Variants in LIMCH1 observed in about 807,000 individuals in gnomAD.
LIMCH1 encodes the protein LIM and calponin homology domains-containing protein 1.
LIMCH1 carries 113 observed loss-of-function variants against 176.5 expected under a neutral mutation model. The ratio of observed to expected loss-of-function variants is 0.64; its 90% CI spans 0.55 to 0.75. The LOEUF (loss-of-function observed/expected upper bound fraction) is 0.75, where lower values mean the gene tolerates loss of function less well. Ranked by LOEUF, LIMCH1 falls within the 30% of genes least tolerant of loss-of-function variation. LIMCH1 has a pLI of 0.00. For synonymous variants in LIMCH1, 619 were observed against 645.9 expected (o/e 0.96, Z 0.63); for missense variants, 1,674 against 1,814.9 (o/e 0.92, Z 1.41).
chr4:41,494,141 A>G (rs2071591354), intron 1 of LIMCH1, among the ~76,000 whole-genome samples: 1 of 152,140 alleles, frequency 6.6e-6, no homozygotes, highest in South Asian at 2.1e-4. Context: ...TGTTTAAGGT[A>G]GTAAATAGAA....
chr4:41,508,134 G>A (rs1274234786), intron 2 of LIMCH1, among the ~76,000 whole-genome samples: 1 of 152,206 alleles, frequency 6.6e-6, no homozygotes, highest in Non-Finnish European at 1.5e-5. Context: ...TAGAAAACCA[G>A]TGGGGCAATG....
At chr4:41,581,427 C>T (rs1407638238) in intron 1 of LIMCH1, among the ~76,000 whole-genome samples, 1 of 152,060 alleles carries the variant, frequency 6.6e-6, no homozygotes, top group East Asian at 1.9e-4. Context: ...CTGATTATGC[C>T]CTTTTGACCA....
Position 41,603,893 on chromosome 4 carries a change from G to C in LIMCH1, c.-115G>C. The stretch of plus-strand genomic sequence containing the variant: ...TGACTAGGAGCCTTGATTATAGTAG[G>C]AAGCTGAAAAATGTAAGTGTTTTAA... On this transcript the variant is annotated 5_prime_UTR_variant, in exon 3 of 32. Coordinates refer to ENST00000503057, the MANE Select transcript of LIMCH1 (RefSeq NM_001330672.2). 6.2e-7 allele frequency: 1 copy of C among 1,607,768 alleles called. No homozygotes were observed. Among genetic ancestry groups the C allele is most frequent in the South Asian group, 1.1e-5 (1 of 90,624 alleles).
At chr4:41,544,801 C>G (rs1321984445) in intron 1 of LIMCH1, among the ~76,000 whole-genome samples, 1 of 152,192 alleles carries the variant, frequency 6.6e-6, no homozygotes, top group African/African-American at 2.4e-5. Context: ...TCCTAGAAAG[C>G]CTCATTTATC....
chr4:41,600,686 C>G (rs1370511189), intron 2 of LIMCH1, among the ~76,000 whole-genome samples: 2 of 152,134 alleles, frequency 1.3e-5, no homozygotes, highest in African/African-American at 4.8e-5. Flanking sequence ...CCTTCTTCAG[C>G]AGGCCCCATG....
intron 26 of LIMCH1, among the ~76,000 whole-genome samples, chr4:41,683,450 G>A (rs1337924244): frequency 6.6e-6 from 1 of 152,162 alleles, no homozygotes; most frequent in African/African-American, 2.4e-5. Flanking sequence ...AGCTGGCAGT[G>A]CTCTGCCACC....
At chr4:41,402,070 T>A (rs2058498860) in intron 1 of LIMCH1, among the ~76,000 whole-genome samples, 1 of 152,164 alleles carries the variant, frequency 6.6e-6, no homozygotes, top group Non-Finnish European at 1.5e-5. Flanking sequence ...CAACACTAAG[T>A]TGAATAGGAG....
At chr4:41,567,026 C>T (rs1458808402) in intron 1 of LIMCH1, among the ~76,000 whole-genome samples, 1 of 152,186 alleles carries the variant, frequency 6.6e-6, no homozygotes, top group Non-Finnish European at 1.5e-5. Flanking sequence ...TGCTCAAACT[C>T]CTCTATTCTT....
Position 41,697,853 on chromosome 4 carries a change from C to T in LIMCH1, c.*668C>T, listed in dbSNP as rs2153105969. On this transcript the variant is annotated 3_prime_UTR_variant, in exon 32 of 32. Coordinates refer to ENST00000503057, the MANE Select transcript of LIMCH1 (RefSeq NM_001330672.2). ...TTGGAAGTTATGTCATTAATATAGGCTGGTTCATCAAATAAAGCAAAACCT... is the reference window on the plus strand; with the variant it reads ...TTGGAAGTTATGTCATTAATATAGGTTGGTTCATCAAATAAAGCAAAACCT... 1 of 152,204 alleles carries T rather than the reference C, an allele frequency of 6.6e-6. No homozygotes were observed. The highest frequency in any genetic ancestry group is 2.4e-5 in the African/African-American group (1 of 41,524). The allele number at this position is 152,204 out of a possible 1,614,324, so 9.4% of individuals were successfully genotyped here. A position where few individuals can be genotyped will look rare whatever the true frequency, so the allele number is the denominator to read the frequency against.
chr4:41,527,716 A>G (rs921213466), intron 3 of LIMCH1, among the ~76,000 whole-genome samples: 11 of 151,006 alleles, frequency 7.3e-5, no homozygotes, highest in African/African-American at 1.7e-4. Context: ...CCAGCTACTC[A>G]GGAGGCTGAG....
intron 2 of LIMCH1, among the ~76,000 whole-genome samples, chr4:41,510,224 C>G (rs2074709563): frequency 6.6e-6 from 1 of 152,200 alleles, no homozygotes; most frequent in Non-Finnish European, 1.5e-5. Context: ...TCAGGCTAAT[C>G]TTTCTCCTCC....
At chr4:41,463,396 G>A (rs2065657633) in intron 1 of LIMCH1, among the ~76,000 whole-genome samples, 1 of 151,942 alleles carries the variant, frequency 6.6e-6, no homozygotes, top group South Asian at 2.1e-4. Flanking sequence ...TTTTCCCATT[G>A]GTAGTAAATC....
chr4:41,619,246 G>A lies in LIMCH1; in HGVS notation c.264G>A (p.Lys88=). 1.2e-6 allele frequency: 2 copies of A among 1,614,202 alleles called. No individual in the cohort carries two copies. The highest frequency in any genetic ancestry group is 2.2e-5 in the South Asian group (2 of 91,086). ...LPHRKLPDVK[K]DDMSARRTSH... ...ATCGGAAGCTGCCAGATGTGAAGAA[G>A]GATGACATGTCTGCACGGCGGACTT... The change falls in exon 6 of 32, where the codon AAG becomes AAA. Residue 88 remains lysine, a synonymous_variant. Coordinates refer to ENST00000503057, the MANE Select transcript of LIMCH1 (RefSeq NM_001330672.2).
intron 1 of LIMCH1, among the ~76,000 whole-genome samples, chr4:41,394,210 C>A (rs957006762): frequency 6.6e-6 from 1 of 152,128 alleles, no homozygotes; most frequent in African/African-American, 2.4e-5. Flanking sequence ...CCATACCTTT[C>A]AGGGAAGATT....
intron 14 of LIMCH1, 27 bp from the exon 15 acceptor site, chr4:41,644,470 CCCT>C (rs1216998903): frequency 2.7e-5 from 40 of 1,475,506 alleles, no homozygotes; most frequent in Non-Finnish European, 3.6e-5. Flanking sequence ...TGATCGCGGT[CCCT>C]CTTGTGTTCG....
At chr4:41,474,083 CATG>C (rs2067373207) in intron 1 of LIMCH1, among the ~76,000 whole-genome samples, 1 of 152,086 alleles carries the variant, frequency 6.6e-6, no homozygotes. Context: ...GAGGTTGAGA[CATG>C]ATAATTGCTT....
rs150921180 is a variant in LIMCH1, at chr4:41,639,679, A to G, written c.2126+712A>G. Among the ~76,000 whole-genome samples the G allele has an allele frequency of 9.9e-4, 151 of 152,316 alleles. 1 individual carries two copies. The highest frequency in any genetic ancestry group is 3.6e-3 in the African/African-American group (149 of 41,564). ...TCTGCTTCAGAAATGGATTTCCCAT[A>G]TGCAGATCATTCTGCAACTGATATT... On this transcript the variant is annotated intron_variant, in intron 14 of 31. Coordinates refer to ENST00000503057, the MANE Select transcript of LIMCH1 (RefSeq NM_001330672.2).
intron 1 of LIMCH1, among the ~76,000 whole-genome samples, chr4:41,467,665 C>T (rs1211350600): frequency 1.3e-5 from 2 of 152,184 alleles, no homozygotes; most frequent in African/African-American, 2.4e-5. Flanking sequence ...GGACACAGAG[C>T]CAAATCATAT....
chr4:41,373,596 C>T (rs1028736452), intron 1 of LIMCH1, among the ~76,000 whole-genome samples: 1 of 152,242 alleles, frequency 6.6e-6, no homozygotes, highest in Non-Finnish European at 1.5e-5. Context: ...GACTTTTCAA[C>T]CATCCTATGA....
Sources: allele counts gnomAD v4.1 joint callset (sites outside exome capture counted in the v4.1 genomes callset), GRCh38; gene constraint gnomAD v4.1.1; transcripts MANE v1.5; gene names NCBI Gene and HGNC (gene_info 2026-07-23, HGNC 2026-07-21).